The following PCSK5 variants were observed in gnomAD, a reference collection of about 807,000 sequenced individuals.
PCSK5 encodes the protein prohormone convertase 5.
PCSK5 carries 129 observed loss-of-function variants against 233.2 expected under a neutral mutation model. The ratio of observed to expected loss-of-function variants is 0.55; its 90% confidence interval spans 0.48 to 0.64. The LOEUF (loss-of-function observed/expected upper bound fraction) is 0.64. Ranked by LOEUF, PCSK5 falls within the 30% of genes least tolerant of loss-of-function variation. The pLI is 0.00. For missense variants in PCSK5, 2,076 were observed against 2,430.1 expected (o/e 0.85, Z 3.06); for synonymous variants, 825 against 879.2 (o/e 0.94, Z 1.09).
chr9:76,331,125 C>A (rs1260024629), intron 33 of PCSK5, among the ~76,000 whole-genome samples: 2 of 152,126 alleles, frequency 1.3e-5, no homozygotes, highest in Non-Finnish European at 2.9e-5. Context: ...ATTCTCTCTA[C>A]CCTGTCCCAC....
chr9:76,309,730 T>C (rs1349634096), intron 29 of PCSK5, among the ~76,000 whole-genome samples: 3 of 150,450 alleles, frequency 2.0e-5, no homozygotes, highest in Admixed American at 2.0e-4. Context: ...AAAGTCCACG[T>C]TGGAATGTAC....
chr9:76,107,368 A>G lies in PCSK5; in HGVS notation c.1208+17A>G, dbSNP rs900787742. ...GGAAGCCAAGTAAGCCTTGATCTCT[A>G]TATGTCTTCAATGGTGACAACCCCT... On this transcript the variant is annotated intron_variant, in intron 9 of 37. Transcript: ENST00000674117. 10 of 1,551,908 alleles carry G rather than the reference A, an allele frequency of 6.4e-6. No individual in the cohort carries two copies. Among genetic ancestry groups the G allele is most frequent in the Non-Finnish European group, 8.9e-6 (10 of 1,124,988 alleles).
Position 76,171,789 on chromosome 9 carries a change from A to C in PCSK5, c.1756+1949A>C, listed in dbSNP as rs548883609. ...GGTGTTGAGGTGTTCTTTTTACGCC[A>C]GACGAGAGATACCCTAATGCTATTA... On this transcript the variant is annotated intron_variant, in intron 13 of 37. Coordinates refer to ENST00000674117, the MANE Select transcript of PCSK5 (RefSeq NM_001372043.1). 1.9e-3 allele frequency among the ~76,000 whole-genome samples: 282 copies of C among 152,338 alleles called. 3 individuals carry two copies. Among genetic ancestry groups the C allele is most frequent in the African/African-American group, 5.9e-3 (245 of 41,578 alleles).
intron 2 of PCSK5, among the ~76,000 whole-genome samples, chr9:75,950,163 G>T (rs1824787453): frequency 6.8e-6 from 1 of 147,784 alleles, no homozygotes; most frequent in African/African-American, 2.5e-5. Flanking sequence ...CGGGGAGGGG[G>T]GAACTGCTAC....
intron 9 of PCSK5, among the ~76,000 whole-genome samples, chr9:76,129,798 T>C (rs984836010): frequency 6.6e-6 from 1 of 152,192 alleles, no homozygotes; most frequent in Non-Finnish European, 1.5e-5. Flanking sequence ...TCTTAGGAGA[T>C]GTCCTGCTTC....
intron 20 of PCSK5, among the ~76,000 whole-genome samples, chr9:76,221,075 T>A (rs1825715158): frequency 6.6e-6 from 1 of 152,346 alleles, no homozygotes; most frequent in African/African-American, 2.4e-5. Context: ...GAGTTCCTCT[T>A]AGGAACTTAC....
At chr9:76,185,630 T>C (rs917320299) in intron 17 of PCSK5, among the ~76,000 whole-genome samples, 1 of 152,162 alleles carries the variant, frequency 6.6e-6, no homozygotes, top group Non-Finnish European at 1.5e-5. Context: ...ATTAGCTTAC[T>C]TGGCAATTTT....
intron 9 of PCSK5, among the ~76,000 whole-genome samples, chr9:76,113,366 G>A (rs1181327153): frequency 6.6e-6 from 1 of 152,128 alleles, no homozygotes; most frequent in Non-Finnish European, 1.5e-5. Context: ...AATTTTCTCA[G>A]GAAATTAAAC....
intron 2 of PCSK5, among the ~76,000 whole-genome samples, chr9:75,955,110 C>T (rs762507823): frequency 6.6e-6 from 1 of 152,174 alleles, no homozygotes; most frequent in Non-Finnish European, 1.5e-5. Context: ...TGGGCAAGTG[C>T]TGTGCATTCA....
chr9:75,950,668 C>G (rs1179373376), intron 2 of PCSK5, among the ~76,000 whole-genome samples: 1 of 152,092 alleles, frequency 6.6e-6, no homozygotes, highest in East Asian at 1.9e-4. Flanking sequence ...CAGGCCTGCC[C>G]TAAATGAGCT....
chr9:76,283,061 G>A (rs1827932639), intron 24 of PCSK5, among the ~76,000 whole-genome samples: 1 of 152,272 alleles, frequency 6.6e-6, no homozygotes, highest in African/African-American at 2.4e-5. Flanking sequence ...ACAAGAAATT[G>A]GTTCTTATGG....
chr9:76,141,052 CTT>C (rs1235378028), intron 10 of PCSK5, among the ~76,000 whole-genome samples: 2 of 152,080 alleles, frequency 1.3e-5, no homozygotes, highest in African/African-American at 4.8e-5. Context: ...AACAACAACT[CTT>C]AATATTTTGT....
intron 1 of PCSK5, among the ~76,000 whole-genome samples, chr9:75,899,102 G>A (rs1825921510): frequency 6.6e-6 from 1 of 152,128 alleles, no homozygotes; most frequent in Non-Finnish European, 1.5e-5. Context: ...GATTCAATAG[G>A]GCTTGGTAAC....
At chr9:76,278,219 C>T (rs1204683222) in intron 24 of PCSK5, among the ~76,000 whole-genome samples, 1 of 152,150 alleles carries the variant, frequency 6.6e-6, no homozygotes, top group Admixed American at 6.5e-5. Context: ...ATTCATTGGC[C>T]TCCTTTGCAA....
At chr9:76,078,796 G>A (rs1441921826) in intron 7 of PCSK5, among the ~76,000 whole-genome samples, 2 of 152,002 alleles carry the variant, frequency 1.3e-5, no homozygotes, top group Non-Finnish European at 2.9e-5. Context: ...GGATCACTTT[G>A]GCCATTCGGA....
rs750317793 is a variant in PCSK5 at position 76,250,586 on chromosome 9, G to A, written c.3142+9902G>A. Reference sequence around the variant, plus strand: ...AAGAAAATATCAGACAAATCCCAACGGAGGGACATTTTGTAAAATACCCAA... The same window carrying A: ...AAGAAAATATCAGACAAATCCCAACAGAGGGACATTTTGTAAAATACCCAA... On this transcript the variant is annotated intron_variant, in intron 24 of 37. Transcript: ENST00000674117. Among the ~76,000 whole-genome samples the A allele has an allele frequency of 6.6e-5, 10 of 152,252 alleles. 1 individual carries two copies. The South Asian group carries it at 1.5e-3, about 22-fold the overall frequency.
chr9:75,914,345 GTTAC>G (rs1303594200), intron 1 of PCSK5, among the ~76,000 whole-genome samples: 1 of 152,156 alleles, frequency 6.6e-6, no homozygotes, highest in Non-Finnish European at 1.5e-5. Flanking sequence ...AGATTTGGTT[GTTAC>G]TTACTATTAG....
chr9:75,918,250 G>T (rs1226315096), intron 1 of PCSK5, among the ~76,000 whole-genome samples: 1 of 152,182 alleles, frequency 6.6e-6, no homozygotes, highest in African/African-American at 2.4e-5. Context: ...GACTGCACAG[G>T]TCAGGATAGA....
intron 5 of PCSK5, among the ~76,000 whole-genome samples, chr9:76,062,440 C>G (rs2131582645): frequency 6.6e-6 from 1 of 152,098 alleles, no homozygotes; most frequent in Non-Finnish European, 1.5e-5. Flanking sequence ...GAAAAATGTT[C>G]AACATCAAAT....
Sources: allele counts gnomAD v4.1 joint callset (sites outside exome capture counted in the v4.1 genomes callset), GRCh38; gene constraint gnomAD v4.1.1; transcripts MANE v1.5; gene names NCBI Gene and HGNC (gene_info 2026-07-23, HGNC 2026-07-21).